DUSP7: variants seen among roughly 807,000 people sequenced by gnomAD.
DUSP7 encodes the protein dual specificity protein phosphatase 7.
In DUSP7, 7 loss-of-function variants were observed where a neutral mutation model predicts 29.8. That is an observed-to-expected ratio of 0.24 (90% CI 0.13 to 0.44). DUSP7 has a LOEUF of 0.44. Ranked by LOEUF, DUSP7 falls within the 20% of genes least tolerant of loss-of-function variation. The pLI is 1.00. For synonymous variants in DUSP7, 287 were observed against 275.4 expected, an observed-to-expected ratio of 1.04 and a Z score of -0.42; for missense variants, 400 against 583.7, an observed-to-expected ratio of 0.69 and a Z score of 3.24.
rs759589722 is a variant in DUSP7, at chr3:52,054,292, T to C, written c.600A>G (p.Pro200=). The C allele has an allele frequency of 9.4e-6, 15 of 1,595,734 alleles. No homozygotes were observed. The East Asian group carries it at 3.1e-4, about 33-fold the overall frequency. The change falls in exon 2 of 3, where the codon CCA becomes CCG. Residue 200 remains proline (P), a synonymous_variant. Transcript: ENST00000495880. The surrounding 1 kb of genome is among the most constrained non-coding windows in gnomAD (Gnocchi z 4.1). ...CCCCCAGGCCCAGCACTGAGGTGGGTGGCGAGCTGCTCGGCGAGGAAGAGC... is the reference window on the plus strand; with the variant it reads ...CCCCCAGGCCCAGCACTGAGGTGGGCGGCGAGCTGCTCGGCGAGGAAGAGC... The part of the protein sequence containing the change: ...VDSSSSPSSS[P]PTSVLGLGGL...
chr3:52,051,299 C>T lies in DUSP7; in HGVS notation c.953-177G>A, dbSNP rs1701844405. On this transcript the variant is annotated intron_variant, in intron 2 of 2. Coordinates refer to ENST00000495880, the MANE Select transcript of DUSP7 (RefSeq NM_001947.4). The surrounding 1 kb of genome is among the most constrained non-coding windows in gnomAD (Gnocchi z 4.8). ...GGCAGCAACTTGGAATAGAGGTCAA[C>T]AGCACTGCTGTGGAGAGGGCTCTGC... Among the ~76,000 whole-genome samples the T allele has an allele frequency of 6.6e-6, 1 of 152,226 alleles. No individual in the cohort carries two copies. The highest frequency in any genetic ancestry group is 6.5e-5 in the Admixed American group (1 of 15,288).
In DUSP7 at chr3:52,050,923, C is replaced by A; in HGVS notation, c.1152G>T (p.Thr384=). 9 of 1,614,268 alleles carry A rather than the reference C, an allele frequency of 5.6e-6. No individual in the cohort carries two copies. The highest frequency in any genetic ancestry group is 7.6e-6 in the Non-Finnish European group (9 of 1,180,056). Residue 384 remains threonine, a synonymous_variant, in exon 3 of 3, where the codon ACG becomes ACT. Coordinates refer to ENST00000495880, the MANE Select transcript of DUSP7 (RefSeq NM_001947.4). This position sits in a 1 kb window ranked among gnomAD's most constrained non-coding sequence, Gnocchi z 5.0. ...TGTCGCACGGGCTGCTTAGCCCCAG[C>A]GTCCGCTCAAAGTCCAGCAGCTGCC... ...FMGQLLDFER[T]LGLSSPCDNH...
rs1701869165 is a variant in DUSP7, at chr3:52,053,696, ACGT to A, written c.952+241_952+243del. ...CAAGCTGGACAGCAGAGAGCCCATG[ACGT>A]GCTGTCAGCTAGGGGGAGCTCAGGA... On this transcript the variant is annotated intron_variant, in intron 2 of 2. Transcript: ENST00000495880. This position sits in a 1 kb window ranked among gnomAD's most constrained non-coding sequence, Gnocchi z 4.6. 7.1e-6 allele frequency: 4 copies of A among 561,534 alleles called. No individual in the cohort carries two copies. Among genetic ancestry groups the A allele is most frequent in the Non-Finnish European group, 1.3e-5 (4 of 312,706 alleles). The allele number at this position is 561,534 out of a possible 1,614,324, so 34.8% of individuals were successfully genotyped here.
Position 52,054,569 on chromosome 3 carries a change from A to C in DUSP7, c.518-195T>G, listed in dbSNP as rs925104662. Among the ~76,000 whole-genome samples, 1 of 152,186 alleles carries C rather than the reference A, an allele frequency of 6.6e-6. No individual in the cohort carries two copies. The highest frequency in any genetic ancestry group is 1.5e-5 in the Non-Finnish European group (1 of 68,020). ...CTAAACCATGACCACTTCACAGATA[A>C]GGAAACTGAGGCCCCAGAAGGTGAA... On this transcript the variant is annotated intron_variant, in intron 1 of 2. Transcript: ENST00000495880. The surrounding 1 kb of genome is among the most constrained non-coding windows in gnomAD (Gnocchi z 4.1).
Position 52,049,738 on chromosome 3 carries a change from GAA to G in DUSP7, c.*1075_*1076del, listed in dbSNP as rs1701827552. On this transcript the variant is annotated 3_prime_UTR_variant, in exon 3 of 3. Coordinates refer to ENST00000495880, the MANE Select transcript of DUSP7 (RefSeq NM_001947.4). ...AGAGAGGGAGGGGGGGAGAGAGAAA[GAA>G]AGAGAGAGAGAGGGAGAGAGAGAAA... 6.6e-6 allele frequency: 1 copy of G among 152,030 alleles called. No homozygotes were observed. The highest frequency in any genetic ancestry group is 6.6e-5 in the Admixed American group (1 of 15,260). The allele number at this position is 152,030 out of a possible 1,614,324, so 9.4% of individuals were successfully genotyped here.
At position 52,049,107 on chromosome 3, in the gene DUSP7, G is replaced by C. The variant is rs1173181050; in HGVS notation, c.*1708C>G. The C allele has an allele frequency of 6.6e-6, 1 of 151,964 alleles. No individual in the cohort carries two copies. Among genetic ancestry groups the C allele is most frequent in the Non-Finnish European group, 1.5e-5 (1 of 67,998 alleles). 9.4% of individuals were successfully genotyped at this position (151,964 alleles called of 1,614,324 possible). On this transcript the variant is annotated 3_prime_UTR_variant, in exon 3 of 3. Coordinates refer to ENST00000495880, the MANE Select transcript of DUSP7 (RefSeq NM_001947.4). ...TACACAAATCTGGTACATCTTTCTG[G>C]GTTTTCTTTTTAAAAATAAAAGAGA...
rs148092517 is a variant in DUSP7, at chr3:52,056,142, G to C, written c.225C>G (p.Leu75=). 4 of 1,600,564 alleles carry C rather than the reference G, an allele frequency of 2.5e-6. No individual in the cohort carries two copies. Among genetic ancestry groups the C allele is most frequent in the African/African-American group, 2.7e-5 (2 of 74,828 alleles). ...CGAAGAGCTCGTGCGGCCGGCAGTCGAGCAGCAGCAAGGACGCGCCGCCGC... is the reference window on the plus strand; with the variant it reads ...CGAAGAGCTCGTGCGGCCGGCAGTCCAGCAGCAGCAAGGACGCGCCGCCGC... ...EARGGASLLL[L]DCRPHELFES... The change falls in exon 1 of 3, where the codon CTC becomes CTG. Residue 75 remains leucine (L), a synonymous_variant. Coordinates refer to ENST00000495880, the MANE Select transcript of DUSP7 (RefSeq NM_001947.4). This position sits in a 1 kb window ranked among gnomAD's most constrained non-coding sequence, Gnocchi z 6.4.
Position 52,049,280 on chromosome 3 carries a change from A to G in DUSP7, c.*1535T>C, listed in dbSNP as rs1320186217. 6.6e-6 allele frequency: 1 copy of G among 152,180 alleles called. No individual in the cohort carries two copies. The highest frequency in any genetic ancestry group is 2.4e-5 in the African/African-American group (1 of 41,434). The allele number at this position is 152,180 out of a possible 1,614,324, so 9.4% of individuals were successfully genotyped here. A position where few individuals can be genotyped will look rare whatever the true frequency, so the allele number is the denominator to read the frequency against. On this transcript the variant is annotated 3_prime_UTR_variant, in exon 3 of 3. Coordinates refer to ENST00000495880, the MANE Select transcript of DUSP7 (RefSeq NM_001947.4). Reference sequence around the variant, plus strand: ...AGAGTTTTTCTGTGGCCTCACTCACATGCTGAGTGCTGCTCCGTCAGGGAC... The same window carrying G: ...AGAGTTTTTCTGTGGCCTCACTCACGTGCTGAGTGCTGCTCCGTCAGGGAC...
chr3:52,050,905 C>T lies in DUSP7; in HGVS notation c.1170G>A (p.Pro390=), dbSNP rs764399308. 1.4e-5 allele frequency: 22 copies of T among 1,614,288 alleles called. No homozygotes were observed. Among genetic ancestry groups the T allele is most frequent in the South Asian group, 5.5e-5 (5 of 91,092 alleles). ...GCTCACTCGACGCGTGGTTGTCGCA[C>T]GGGCTGCTTAGCCCCAGCGTCCGCT... ...DFERTLGLSS[P]CDNHASSEQL... The change falls in exon 3 of 3, where the codon CCG becomes CCA. Residue 390 remains proline, a synonymous_variant. Coordinates refer to ENST00000495880, the MANE Select transcript of DUSP7 (RefSeq NM_001947.4). The surrounding 1 kb of genome is among the most constrained non-coding windows in gnomAD (Gnocchi z 5.0).
intron 2 of DUSP7, chr3:52,052,687 C>G (rs1701858377): frequency 6.6e-6 from 1 of 152,340 alleles, no homozygotes. Flanking sequence ...ATGCCTGGGC[C>G]TCAATTCCTT....
At chr3:52,055,723 G>A in intron 1 of DUSP7, 127 bp downstream of exon 1, 4 of 1,201,878 alleles carry the variant, frequency 3.3e-6, no homozygotes, top group Non-Finnish European at 4.5e-6. Flanking sequence ...GGGCGGATGC[G>A]GGCCGGGGAC....
rs996152548 is a variant in DUSP7 at position 52,051,976 on chromosome 3, C to G, written c.953-854G>C. ...CAGTGATATCTCCTACCACAGCTGA[C>G]TGGATGGGGCCAACCTTCCTGTCCC... On this transcript the variant is annotated intron_variant, in intron 2 of 2. Coordinates refer to ENST00000495880, the MANE Select transcript of DUSP7 (RefSeq NM_001947.4). This position sits in a 1 kb window ranked among gnomAD's most constrained non-coding sequence, Gnocchi z 4.8. 1 of 152,394 alleles carries G rather than the reference C, an allele frequency of 6.6e-6. No individual in the cohort carries two copies. Among genetic ancestry groups the G allele is most frequent in the Non-Finnish European group, 1.5e-5 (1 of 68,104 alleles). The allele number at this position is 152,394 out of a possible 1,614,324, so 9.4% of individuals were successfully genotyped here.
In DUSP7 at chr3:52,050,921, A is replaced by G; in HGVS notation, c.1154T>C (p.Leu385Pro). 1 of 1,614,272 alleles carries G rather than the reference A, an allele frequency of 6.2e-7. No individual in the cohort carries two copies. Among genetic ancestry groups the G allele is most frequent in the Non-Finnish European group, 8.5e-7 (1 of 1,180,044 alleles). ...MGQLLDFERTLGLSSPCDNHA... is the reference protein window; with the variant it reads ...MGQLLDFERTPGLSSPCDNHA... The stretch of plus-strand genomic sequence containing the variant: ...GTTGTCGCACGGGCTGCTTAGCCCC[A>G]GCGTCCGCTCAAAGTCCAGCAGCTG... The change falls in exon 3 of 3, where the codon CTG becomes CCG. Residue 385 changes from leucine (L) to proline (P), a missense_variant. Around this residue, in one of 4 missense-constraint regions of DUSP7, gnomAD observed 75 missense variants for 95.0 expected, o/e 0.79. Coordinates refer to ENST00000495880, the MANE Select transcript of DUSP7 (RefSeq NM_001947.4). The surrounding 1 kb of genome is among the most constrained non-coding windows in gnomAD (Gnocchi z 5.0).
rs1489525405 is a variant in DUSP7, at chr3:52,051,066, G to A, written c.1009C>T (p.Arg337Cys). The A allele has an allele frequency of 1.2e-6, 2 of 1,614,006 alleles. No individual in the cohort carries two copies. Among genetic ancestry groups the A allele is most frequent in the Non-Finnish European group, 8.5e-7 (1 of 1,180,012 alleles). The change falls in exon 3 of 3, where the codon CGC becomes TGC. Residue 337 changes from arginine to cysteine, a missense_variant. This residue lies in a region of DUSP7 where 6 missense variants were observed against 30.7 expected (regional missense o/e 0.20). Coordinates refer to ENST00000495880, the MANE Select transcript of DUSP7 (RefSeq NM_001947.4). This position sits in a 1 kb window ranked among gnomAD's most constrained non-coding sequence, Gnocchi z 4.8. ...VLVHCLAGIS[R>C]SVTVTVAYLM... ...TAGGCCACAGTGACCGTCACTGAGC[G>A]GCTGATGCCTGCCAGGCAGTGCACC...
At chr3:52,055,284 G>A (rs897987696) in intron 1 of DUSP7, among the ~76,000 whole-genome samples, 1 of 152,152 alleles carries the variant, frequency 6.6e-6, no homozygotes, top group African/African-American at 2.4e-5. Context: ...GGACCTGGGG[G>A]TCCCGAGAGA....
rs1460104720 is a variant in DUSP7, at chr3:52,051,371, T to C, written c.953-249A>G. 6.6e-6 allele frequency among the ~76,000 whole-genome samples: 1 copy of C among 152,222 alleles called. No homozygotes were observed. Among genetic ancestry groups the C allele is most frequent in the Non-Finnish European group, 1.5e-5 (1 of 68,032 alleles). ...GGACACCCGTGTCTGTTTCCTCATC[T>C]ATAAAATGGGCCTATTTATGCACAG... On this transcript the variant is annotated intron_variant, in intron 2 of 2. Transcript: ENST00000495880. This position sits in a 1 kb window ranked among gnomAD's most constrained non-coding sequence, Gnocchi z 4.8.
At position 52,054,882 on chromosome 3, in the gene DUSP7, G is replaced by C. The variant is rs1004830165; in HGVS notation, c.518-508C>G. 4.6e-5 allele frequency among the ~76,000 whole-genome samples: 7 copies of C among 152,228 alleles called. No homozygotes were observed. The highest frequency in any genetic ancestry group is 3.9e-4 in the Admixed American group (6 of 15,292). On this transcript the variant is annotated intron_variant, in intron 1 of 2. Coordinates refer to ENST00000495880, the MANE Select transcript of DUSP7 (RefSeq NM_001947.4). The surrounding 1 kb of genome is among the most constrained non-coding windows in gnomAD (Gnocchi z 4.1). ...CAGAGAGGTCCTGGGCTTCCTGAACGGGAGTCTAGTGGTTGCCCAGCCCCG... is the reference window on the plus strand; with the variant it reads ...CAGAGAGGTCCTGGGCTTCCTGAACCGGAGTCTAGTGGTTGCCCAGCCCCG...
chr3:52,053,670 A>G lies in DUSP7; in HGVS notation c.952+270T>C. ...GAAACAACATCTAAGCCAGGAAAACACAAGCTGGACAGCAGAGAGCCCATG... is the reference window on the plus strand; with the variant it reads ...GAAACAACATCTAAGCCAGGAAAACGCAAGCTGGACAGCAGAGAGCCCATG... On this transcript the variant is annotated intron_variant, in intron 2 of 2. Transcript: ENST00000495880. The surrounding 1 kb of genome is among the most constrained non-coding windows in gnomAD (Gnocchi z 4.6). 1 of 511,348 alleles carries G rather than the reference A, an allele frequency of 2.0e-6. No homozygotes were observed. Among genetic ancestry groups the G allele is most frequent in the Non-Finnish European group, 3.5e-6 (1 of 282,366 alleles). The allele number at this position is 511,348 out of a possible 1,614,324, so 31.7% of individuals were successfully genotyped here.
intron 1 of DUSP7, 64 bp downstream of exon 1, chr3:52,055,786 A>C: frequency 6.9e-7 from 1 of 1,458,236 alleles, no homozygotes; most frequent in Non-Finnish European, 9.0e-7. Flanking sequence ...AGCGCCTCCA[A>C]GGGGGGCGTC....
Sources: gnomAD v4.1 joint callset for allele counts (sites outside exome capture counted in the v4.1 genomes callset) on GRCh38, gnomAD v4.1.1 for gene constraint, gnomAD v4.1.1 regional missense constraint, Gnocchi (gnomAD v3.1) non-coding constraint, MANE v1.5 for transcripts, NCBI Gene and HGNC (gene_info 2026-07-23, HGNC 2026-07-21) for gene names.